NFXL1: variants seen among roughly 807,000 people sequenced by gnomAD.
NFXL1 encodes the protein nuclear transcription factor, X-box binding like 1.
NFXL1 carries 66 observed loss-of-function variants against 123.3 expected under a neutral mutation model. That is an observed-to-expected ratio of 0.54 (90% CI 0.44 to 0.66). The LOEUF (loss-of-function observed/expected upper bound fraction) is 0.66. NFXL1 is among the 30% of genes least tolerant of loss of function. The pLI is 0.00. For missense variants in NFXL1, 944 were observed against 1,125.6 expected (o/e 0.84, Z 2.31); for synonymous variants, 346 against 360.8 (o/e 0.96, Z 0.46).
At chr4:47,881,837 A>G (rs999396743) in intron 15 of NFXL1, among the ~76,000 whole-genome samples, 1 of 152,180 alleles carries the variant, frequency 6.6e-6, no homozygotes, top group African/African-American at 2.4e-5. Flanking sequence ...GCAAAACTAC[A>G]GAGATAGTAA....
At chr4:47,896,294 C>A (rs2110096008) in intron 10 of NFXL1, among the ~76,000 whole-genome samples, 1 of 152,276 alleles carries the variant, frequency 6.6e-6, no homozygotes, top group East Asian at 1.9e-4. Flanking sequence ...CATAAACCTT[C>A]AATTTATTAA....
rs767308285 is a variant in NFXL1, at chr4:47,910,939, G to A, written c.291C>T (p.Ala97=). Residue 97 remains alanine, a synonymous_variant, in exon 3 of 23, where the codon GCC becomes GCT. Coordinates refer to ENST00000507489, the MANE Select transcript of NFXL1 (RefSeq NM_001278624.2). ...EEIKKANQAA[A]RKLVEEQFSS... is the part of the protein sequence containing the mutation. ...TAAACTGTTCTTCAACAAGTTTTCT[G>A]GCTGCAGCTTGGTTAGCTTTCTTGA... 6.2e-7 allele frequency: 1 copy of A among 1,608,360 alleles called. No homozygotes were observed. Among genetic ancestry groups the A allele is most frequent in the Non-Finnish European group, 8.5e-7 (1 of 1,177,522 alleles).
At chr4:47,868,201 C>T (rs1049181154) in intron 18 of NFXL1, among the ~76,000 whole-genome samples, 8 of 152,024 alleles carry the variant, frequency 5.3e-5, no homozygotes, top group Non-Finnish European at 7.4e-5. Context: ...CACCTGTAGT[C>T]CCAGCTACGC....
intron 22 of NFXL1, among the ~76,000 whole-genome samples, chr4:47,848,838 G>A (rs1470483518): frequency 6.6e-6 from 1 of 152,040 alleles, no homozygotes; most frequent in African/African-American, 2.4e-5. Context: ...GCAGTGAGCC[G>A]AGATGGCGCC....
chr4:47,894,575 AT>A (rs11340717), intron 10 of NFXL1, among the ~76,000 whole-genome samples: 111,241 of 151,494 alleles, frequency 0.73, 41,074 homozygotes, highest in South Asian at 0.76. Context: ...AACCACTTAC[AT>A]TTCATTACAA....
At chr4:47,860,388 C>A (rs1436277555) in intron 19 of NFXL1, among the ~76,000 whole-genome samples, 2 of 152,156 alleles carry the variant, frequency 1.3e-5, no homozygotes, top group South Asian at 2.1e-4. Flanking sequence ...ATGTTCTTAA[C>A]GACATCCTTA....
chr4:47,864,488 T>C (rs536706795), intron 18 of NFXL1, among the ~76,000 whole-genome samples: 13 of 152,316 alleles, frequency 8.5e-5, no homozygotes, highest in Admixed American at 4.6e-4. Flanking sequence ...GAAGGGGTCC[T>C]GTCCCATACT....
At chr4:47,910,533 T>C (rs1016659179) in intron 3 of NFXL1, among the ~76,000 whole-genome samples, 1 of 152,200 alleles carries the variant, frequency 6.6e-6, no homozygotes, top group African/African-American at 2.4e-5. Context: ...AGTCCACCGC[T>C]CAGGAGCTTT....
intron 2 of NFXL1, among the ~76,000 whole-genome samples, 197 bp from the exon 3 acceptor site, chr4:47,911,191 T>C (rs566636298): frequency 1.1e-4 from 16 of 152,172 alleles, no homozygotes; most frequent in African/African-American, 3.1e-4. Context: ...AACTTTCACT[T>C]TTCTAAGTAT....
chr4:47,894,733 AC>A (rs1204839306), intron 10 of NFXL1, among the ~76,000 whole-genome samples: 1 of 152,110 alleles, frequency 6.6e-6, no homozygotes, highest in East Asian at 1.9e-4. Context: ...GAAGTCTTGA[AC>A]ACTCGAAGTC....
intron 5 of NFXL1, among the ~76,000 whole-genome samples, chr4:47,902,582 CAAG>C (rs1258739576): frequency 1.3e-5 from 2 of 151,954 alleles, no homozygotes; most frequent in Non-Finnish European, 1.5e-5. Flanking sequence ...GAATTCTGGA[CAAG>C]AAGATCACAA....
Position 47,884,430 on chromosome 4 carries a change from G to C in NFXL1, c.1832C>G (p.Pro611Arg), listed in dbSNP as rs779169051. 1 of 1,599,362 alleles carries C rather than the reference G, an allele frequency of 6.3e-7. No homozygotes were observed. The highest frequency in any genetic ancestry group is 1.7e-5 in the Admixed American group (1 of 59,032). Reference sequence around the variant, plus strand: ...AGAAGGCTGTTCCCAAGGGCCTGTAGGCTGGTGCTACAAATAAAATACATA... The same window carrying C: ...AGAAGGCTGTTCCCAAGGGCCTGTACGCTGGTGCTACAAATAAAATACATA... ...ALIKQTGRHQ[P>R]TGPWEQPSEP... Residue 611 changes from proline to arginine, a missense_variant, in exon 15 of 23, where the codon CCT becomes CGT. Physicochemically the swap from Pro to Arg is moderately radical, Grantham distance 103. Coordinates refer to ENST00000507489, the MANE Select transcript of NFXL1 (RefSeq NM_001278624.2).
At chr4:47,858,036 A>C (rs1734509903) in intron 19 of NFXL1, among the ~76,000 whole-genome samples, 1 of 152,210 alleles carries the variant, frequency 6.6e-6, no homozygotes, top group South Asian at 2.1e-4. Flanking sequence ...TGCAATTTGC[A>C]ACTAGGAAAA....
chr4:47,910,726 A>G, intron 3 of NFXL1, 98 bp downstream of exon 3: 1 of 657,140 alleles, frequency 1.5e-6, no homozygotes, highest in Non-Finnish European at 2.5e-6. Flanking sequence ...TCATCTTAAG[A>G]TATAAAATCT....
At chr4:47,894,418 A>G (rs925106307) in intron 10 of NFXL1, 116 bp from the exon 11 acceptor site, 6 of 617,760 alleles carry the variant, frequency 9.7e-6, no homozygotes, top group East Asian at 6.6e-5. Flanking sequence ...CTAAATTTGT[A>G]TAACAAACTT....
chr4:47,879,226 C>T (rs1223791505), intron 15 of NFXL1, 109 bp from the exon 16 acceptor site: 3 of 456,358 alleles, frequency 6.6e-6, no homozygotes, highest in African/African-American at 2.1e-5. Flanking sequence ...ATGGAATAAG[C>T]AATTATAGTA....
At chr4:47,909,068 A>C (rs1231774323) in intron 3 of NFXL1, among the ~76,000 whole-genome samples, 1 of 152,176 alleles carries the variant, frequency 6.6e-6, no homozygotes, top group African/African-American at 2.4e-5. Flanking sequence ...ACAGATATAC[A>C]GCACAGACTA....
At chr4:47,898,886 A>G in intron 7 of NFXL1, 29 bp from the exon 8 acceptor site, 1 of 1,610,758 alleles carries the variant, frequency 6.2e-7, no homozygotes, top group Non-Finnish European at 8.5e-7. Flanking sequence ...ATTAGCACAG[A>G]AACATAAAAG....
intron 10 of NFXL1, 59 bp from the exon 11 acceptor site, chr4:47,894,361 T>A (rs1736953876): frequency 7.9e-7 from 1 of 1,268,192 alleles, no homozygotes; most frequent in Non-Finnish European, 1.1e-6. Context: ...TTTCCTCACA[T>A]TGCAACTTCT....
Sources: gnomAD v4.1 joint callset for allele counts (sites outside exome capture counted in the v4.1 genomes callset) on GRCh38, gnomAD v4.1.1 for gene constraint, MANE v1.5 for transcripts, NCBI Gene and HGNC (gene_info 2026-07-23, HGNC 2026-07-21) for gene names.